L3MBTL4: variants seen among roughly 807,000 people sequenced by gnomAD.
L3MBTL4 encodes the protein L3MBTL histone methyl-lysine binding protein 4.
Under a neutral mutation model 84.5 loss-of-function variants are expected in L3MBTL4, and 70 were observed. The observed-to-expected ratio is 0.83, with a 90% CI of 0.68 to 1.01. L3MBTL4 has a LOEUF of 1.01. Among genes scored for constraint, L3MBTL4 ranks in the 50% least tolerant of loss-of-function variants. The pLI is 0.00. For missense variants in L3MBTL4, 715 were observed against 754.8 expected (o/e 0.95, Z 0.62); for synonymous variants, 274 against 259.8 (o/e 1.05, Z -0.52).
chr18:6,247,855 A>AT (rs1599328651), intron 5 of L3MBTL4, among the ~76,000 whole-genome samples: 1 of 151,390 alleles, frequency 6.6e-6, no homozygotes, highest in Admixed American at 6.6e-5. Context: ...CAGGTGGTAT[A>AT]TTTTTTTGCC....
intron 14 of L3MBTL4, among the ~76,000 whole-genome samples, chr18:6,117,592 A>G (rs1410322712): frequency 6.6e-6 from 1 of 152,220 alleles, no homozygotes; most frequent in Non-Finnish European, 1.5e-5. Context: ...TCAAATGCTG[A>G]ATCTGCTACT....
At chr18:6,298,878 A>AAAAC (rs2050216549) in intron 4 of L3MBTL4, among the ~76,000 whole-genome samples, 1 of 152,134 alleles carries the variant, frequency 6.6e-6, no homozygotes, top group African/African-American at 2.4e-5. Flanking sequence ...CTGTCCAAAA[A>AAAAC]AAAACAAAAC....
chr18:6,041,850 G>A lies in L3MBTL4; in HGVS notation c.1444+39031C>T, dbSNP rs1178203096. ...AGTGATCTTCCCATCTCAACCTCCT[G>A]AGTAGCTGGGACTATAGGTGTGTGC... On this transcript the variant is annotated intron_variant, in intron 16 of 18. Coordinates refer to ENST00000317931, the MANE Select transcript of L3MBTL4 (RefSeq NM_001330559.2). 7.9e-5 allele frequency among the ~76,000 whole-genome samples: 12 copies of A among 151,942 alleles called. 1 individual carries two copies. The highest frequency in any genetic ancestry group is 7.9e-4 in the Admixed American group (12 of 15,274).
chr18:6,214,500 G>A (rs940783609), intron 11 of L3MBTL4, among the ~76,000 whole-genome samples: 4 of 152,182 alleles, frequency 2.6e-5, no homozygotes, highest in African/African-American at 9.7e-5. Context: ...AAACAAAAGT[G>A]TTTTGAATTT....
intron 16 of L3MBTL4, among the ~76,000 whole-genome samples, chr18:6,062,677 CT>C: frequency 6.6e-6 from 1 of 151,734 alleles, no homozygotes; most frequent in Non-Finnish European, 1.5e-5. Context: ...TCTTTTTCAT[CT>C]TTTTTTTCTC....
intron 1 of L3MBTL4, among the ~76,000 whole-genome samples, chr18:6,340,177 A>G (rs2052539817): frequency 6.6e-6 from 1 of 152,196 alleles, no homozygotes; most frequent in African/African-American, 2.4e-5. Context: ...GGAGGGATGT[A>G]AGCAAGATGG....
At chr18:6,356,501 T>G (rs772147884) in intron 1 of L3MBTL4, among the ~76,000 whole-genome samples, 16 of 152,226 alleles carry the variant, frequency 1.1e-4, no homozygotes, top group Non-Finnish European at 2.4e-4. Flanking sequence ...ATAGTGCAAT[T>G]ACACAAACCT....
chr18:5,979,315 G>C (rs1358603712), intron 16 of L3MBTL4, among the ~76,000 whole-genome samples: 1 of 152,072 alleles, frequency 6.6e-6, no homozygotes, highest in Non-Finnish European at 1.5e-5. Context: ...TGTCTCCAAG[G>C]TTCCCAGGCT....
intron 4 of L3MBTL4, among the ~76,000 whole-genome samples, chr18:6,295,344 C>CTATATA (rs1491551062): frequency 9.9e-4 from 104 of 105,338 alleles, no homozygotes; most frequent in East Asian, 3.5e-3. Context: ...CTCTCTCTCT[C>CTATATA]TCTATATATA....
At chr18:6,240,631 T>C (rs1171593699) in intron 8 of L3MBTL4, among the ~76,000 whole-genome samples, 1 of 152,188 alleles carries the variant, frequency 6.6e-6, no homozygotes, top group African/African-American at 2.4e-5. Context: ...TACTTCTCTT[T>C]CATCAAACCC....
intron 1 of L3MBTL4, among the ~76,000 whole-genome samples, chr18:6,384,259 GCA>G (rs752883010): frequency 5.3e-5 from 8 of 151,834 alleles, no homozygotes; most frequent in South Asian, 2.1e-4. Flanking sequence ...AGAGGATTAT[GCA>G]CACACACACA....
intron 1 of L3MBTL4, among the ~76,000 whole-genome samples, chr18:6,315,052 T>C (rs1043859124): frequency 7.2e-5 from 11 of 152,272 alleles, no homozygotes; most frequent in African/African-American, 2.4e-4. Context: ...AGGTAAGAAA[T>C]ATACATAAAT....
At chr18:6,108,904 A>G (rs1344980390) in intron 14 of L3MBTL4, among the ~76,000 whole-genome samples, 2 of 152,234 alleles carry the variant, frequency 1.3e-5, no homozygotes, top group Non-Finnish European at 2.9e-5. Context: ...TAAAGTGTAC[A>G]GAAGAATATG....
intron 1 of L3MBTL4, among the ~76,000 whole-genome samples, chr18:6,413,312 T>C (rs2056047957): frequency 6.6e-6 from 1 of 152,184 alleles, no homozygotes; most frequent in African/African-American, 2.4e-5. Flanking sequence ...ACATCCTCAA[T>C]GTTGCCTCAC....
chr18:6,142,527 T>C (rs552215873), intron 13 of L3MBTL4, among the ~76,000 whole-genome samples: 98 of 152,310 alleles, frequency 6.4e-4, no homozygotes, highest in African/African-American at 2.3e-3. Context: ...CATTGAAGCA[T>C]AAATAAAGAA....
At chr18:6,065,952 T>C (rs151039246) in intron 16 of L3MBTL4, among the ~76,000 whole-genome samples, 4 of 152,224 alleles carry the variant, frequency 2.6e-5, no homozygotes, top group Non-Finnish European at 4.4e-5. Context: ...TATTAGGTTG[T>C]CATTTTGTGC....
chr18:6,232,898 G>A (rs912963680), intron 10 of L3MBTL4, among the ~76,000 whole-genome samples: 4 of 151,598 alleles, frequency 2.6e-5, no homozygotes, highest in East Asian at 1.9e-4. Flanking sequence ...ATTTCCTCCC[G>A]ATCATTATTT....
At chr18:6,024,800 A>C (rs1462704491) in intron 16 of L3MBTL4, among the ~76,000 whole-genome samples, 1 of 152,232 alleles carries the variant, frequency 6.6e-6, no homozygotes, top group Non-Finnish European at 1.5e-5. Context: ...TGAGTATTAA[A>C]AAAGACCCTC....
intron 16 of L3MBTL4, among the ~76,000 whole-genome samples, chr18:5,993,573 G>C (rs1242801331): frequency 2.0e-5 from 3 of 152,072 alleles, no homozygotes; most frequent in Non-Finnish European, 4.4e-5. Context: ...TTAGGATTAG[G>C]CATAAACAGA....
Sources: allele counts gnomAD v4.1 joint callset (sites outside exome capture counted in the v4.1 genomes callset), GRCh38; gene constraint gnomAD v4.1.1; transcripts MANE v1.5; gene names NCBI Gene and HGNC (gene_info 2026-07-23, HGNC 2026-07-21).